VIPR1: variants seen among roughly 807,000 people sequenced by gnomAD.
The protein encoded by VIPR1 is vasoactive intestinal polypeptide receptor 1.
In VIPR1, 59 loss-of-function variants were observed where a neutral mutation model predicts 58.8. That is an observed-to-expected ratio of 1.00 (90% CI 0.81 to 1.25). The LOEUF is 1.25. VIPR1 is among the 50% of genes most tolerant of loss of function. VIPR1 has a pLI of 0.00. For missense variants in VIPR1, 626 were observed against 602.7 expected (o/e 1.04, Z -0.40); for synonymous variants, 251 against 242.1 (o/e 1.04, Z -0.34).
At chr3:42,523,093 C>CCT (rs1553638542) in intron 3 of VIPR1, among the ~76,000 whole-genome samples, 2 of 150,096 alleles carry the variant, frequency 1.3e-5, no homozygotes, top group African/African-American at 5.0e-5. Flanking sequence ...GACCCCGCCC[C>CCT]CAGTGGAGTG....
chr3:42,495,571 G>A (rs533488928), intron 1 of VIPR1, among the ~76,000 whole-genome samples: 2 of 152,250 alleles, frequency 1.3e-5, no homozygotes, highest in East Asian at 3.9e-4. Flanking sequence ...CTGTGAGTGT[G>A]GGTGGGCCTG....
chr3:42,528,171 T>G, intron 6 of VIPR1, 48 bp downstream of exon 6: 1 of 1,597,672 alleles, frequency 6.3e-7, no homozygotes. Context: ...GCCGTTATCT[T>G]TAACCACTGT....
At chr3:42,516,957 G>A (rs1700658479) in intron 2 of VIPR1, 1 of 152,252 alleles carries the variant, frequency 6.6e-6, no homozygotes, top group Non-Finnish European at 1.5e-5. Context: ...CCCCCAGCAG[G>A]GTTTGACTGA....
At chr3:42,499,600 C>A (rs1381872734), upstream of VIPR1, among the ~76,000 whole-genome samples, 1 of 152,156 alleles carries the variant, frequency 6.6e-6, no homozygotes, top group Non-Finnish European at 1.5e-5. Context: ...GGAATCCATG[C>A]AAGAAGGACA....
chr3:42,518,464 C>T (rs1157670957), intron 2 of VIPR1, among the ~76,000 whole-genome samples: 2 of 152,146 alleles, frequency 1.3e-5, no homozygotes, highest in Non-Finnish European at 2.9e-5. Flanking sequence ...GTTGGCCGGG[C>T]GCGGTGGCTC....
In VIPR1 at chr3:42,493,270, T is replaced by C. The variant is rs574852638; in HGVS notation, c.-245+3592T>C. On this transcript the variant is annotated intron_variant, in intron 1 of 13. Coordinates refer to the VIPR1 transcript ENST00000433647. ...CCTGTCCAGTGGCAGGGCACCAGCCTACCTTGCCACTGTGGGCAGCCATCA... is the reference window on the plus strand; with the variant it reads ...CCTGTCCAGTGGCAGGGCACCAGCCCACCTTGCCACTGTGGGCAGCCATCA... 2.0e-5 allele frequency among the ~76,000 whole-genome samples: 3 copies of C among 152,268 alleles called. No individual in the cohort carries two copies. The South Asian group carries it at 6.2e-4, about 32-fold the overall frequency.
upstream of VIPR1, among the ~76,000 whole-genome samples, chr3:42,499,399 T>C (rs1294592651): frequency 6.6e-6 from 1 of 152,178 alleles, no homozygotes; most frequent in African/African-American, 2.4e-5. Flanking sequence ...TAACTGCAGA[T>C]TCTCTTTGTG....
Position 42,536,426 on chromosome 3 carries a change from G to C in VIPR1, c.*145G>C, listed in dbSNP as rs1470163148. The C allele has an allele frequency of 2.3e-6, 2 of 874,214 alleles. No individual in the cohort carries two copies. Among genetic ancestry groups the C allele is most frequent in the Non-Finnish European group, 3.3e-6 (2 of 600,518 alleles). 54.2% of individuals were successfully genotyped at this position (874,214 alleles called of 1,614,324 possible). ...CCCCCGGCCCCCTGGTCTCTGGTCC[G>C]GACACTCCTAGAGAACGCAGCCCTA... On this transcript the variant is annotated 3_prime_UTR_variant, in exon 13 of 13. Transcript: ENST00000325123.
intron 1 of VIPR1, chr3:42,512,602 C>T (rs1700410408): frequency 2.9e-6 from 1 of 345,202 alleles, no homozygotes; most frequent in South Asian, 1.2e-4. Context: ...CCCACGTAGC[C>T]TACAGAGAAA....
chr3:42,518,509 TG>T (rs1700745120), intron 2 of VIPR1, among the ~76,000 whole-genome samples: 1 of 151,922 alleles, frequency 6.6e-6, no homozygotes, highest in Non-Finnish European at 1.5e-5. Flanking sequence ...GAGGCCAAGG[TG>T]GGAGGATCAC....
At chr3:42,517,801 C>T (rs1700709231) in intron 2 of VIPR1, among the ~76,000 whole-genome samples, 1 of 152,138 alleles carries the variant, frequency 6.6e-6, no homozygotes, top group Admixed American at 6.5e-5. Flanking sequence ...CATGGCGAAA[C>T]CCCGTCTCTA....
At chr3:42,504,902 CAAAA>C (rs56310463) in intron 1 of VIPR1, among the ~76,000 whole-genome samples, 4 of 52,966 alleles carry the variant, frequency 7.6e-5, no homozygotes, top group Non-Finnish European at 1.1e-4. Context: ...AAAAGGGAGG[CAAAA>C]AAAAAAAAAA....
chr3:42,532,101 C>A, intron 9 of VIPR1, 141 bp from the exon 10 acceptor site: 2 of 984,424 alleles, frequency 2.0e-6, no homozygotes, highest in Non-Finnish European at 3.1e-6. Flanking sequence ...ATGACCTGCC[C>A]AAAGGGGAAA....
At position 42,531,876 on chromosome 3, in the gene VIPR1, T is replaced by C. The variant is rs745496053; in HGVS notation, c.918+7T>C. 6.2e-7 allele frequency: 1 copy of C among 1,614,068 alleles called. No individual in the cohort carries two copies. The highest frequency in any genetic ancestry group is 1.1e-5 in the South Asian group (1 of 91,078). Reference sequence around the variant, plus strand: ...CATCCTCACCTCCATCTTGGTAAGATACCCTCCCACCACCTAGAGATGGGG... The same window carrying C: ...CATCCTCACCTCCATCTTGGTAAGACACCCTCCCACCACCTAGAGATGGGG... On this transcript the variant is annotated splice_region_variant and intron_variant, in intron 9 of 12. Coordinates refer to ENST00000325123, the MANE Select transcript of VIPR1 (RefSeq NM_004624.4).
chr3:42,522,154 C>T (rs1369625002), intron 3 of VIPR1, among the ~76,000 whole-genome samples: 3 of 129,754 alleles, frequency 2.3e-5, no homozygotes, highest in African/African-American at 5.9e-5. Context: ...CTCTGTCCCC[C>T]AGGCTGGAGT....
At chr3:42,524,421 G>A (rs934568407) in intron 3 of VIPR1, among the ~76,000 whole-genome samples, 1 of 152,168 alleles carries the variant, frequency 6.6e-6, no homozygotes, top group Non-Finnish European at 1.5e-5. Context: ...CAGGAAACTG[G>A]CCCAGTCCAA....
intron 1 of VIPR1, among the ~76,000 whole-genome samples, chr3:42,503,196 G>A (rs1248130926): frequency 1.3e-5 from 2 of 152,158 alleles, no homozygotes; most frequent in Non-Finnish European, 2.9e-5. Context: ...TAGGTGAGAG[G>A]GAGGATGTGA....
rs1164174087 is a variant in VIPR1 at position 42,519,348 on chromosome 3, A to G, written c.292+18A>G. On this transcript the variant is annotated intron_variant, in intron 3 of 12. Coordinates refer to ENST00000325123, the MANE Select transcript of VIPR1 (RefSeq NM_004624.4). ...CATTCAAGGTAAGACCCCTGGGTTG[A>G]AGAGGTGATGTGAGTGGGGCCGGCT... The G allele has an allele frequency of 6.3e-7, 1 of 1,588,956 alleles. No individual in the cohort carries two copies.
intron 7 of VIPR1, 112 bp from the exon 8 acceptor site, chr3:42,531,359 C>A: frequency 8.7e-7 from 1 of 1,155,578 alleles, no homozygotes; most frequent in Non-Finnish European, 1.3e-6. Flanking sequence ...TGACAACCCA[C>A]CCTTTTCTCT....
Sources: gnomAD v4.1 joint callset for allele counts (sites outside exome capture counted in the v4.1 genomes callset) on GRCh38, gnomAD v4.1.1 for gene constraint, MANE v1.5 for transcripts, NCBI Gene and HGNC (gene_info 2026-07-23, HGNC 2026-07-21) for gene names.